Variants in GTF2F2 observed in about 807,000 individuals in gnomAD.
GTF2F2 encodes the protein ATP-dependent helicase GTF2F2.
A neutral mutation model predicts 42.2 loss-of-function variants in GTF2F2; 23 were observed. The observed-to-expected ratio is 0.55, with a 90% CI of 0.39 to 0.77. GTF2F2 has a LOEUF of 0.77. Among genes scored for constraint, GTF2F2 ranks in the 30% least tolerant of loss-of-function variants. The probability of loss-of-function intolerance (pLI) is 0.00; values close to 1 mark genes in which losing one functional copy is unlikely to be tolerated. For synonymous variants in GTF2F2, 105 were observed against 100.8 expected, an observed-to-expected ratio of 1.04 and a Z score of -0.25; for missense variants, 261 against 287.2, an observed-to-expected ratio of 0.91 and a Z score of 0.66.
chr13:45,124,035 C>T (rs976477160), intron 1 of GTF2F2: 4 of 1,128,102 alleles, frequency 3.5e-6, no homozygotes, highest in Admixed American at 3.4e-5. Flanking sequence ...GCCATGTGGG[C>T]CATGAGGTCC....
At position 45,267,227 on chromosome 13, in the gene GTF2F2, A is replaced by C. The variant is rs938099752; in HGVS notation, c.487-6A>C. 1 of 1,609,542 alleles carries C rather than the reference A, an allele frequency of 6.2e-7. No individual in the cohort carries two copies. Among genetic ancestry groups the C allele is most frequent in the Non-Finnish European group, 8.5e-7 (1 of 1,176,856 alleles). ...TGCTTTTATTTCCTTTGCTGTTTGC[A>C]TATAGATCGAATATGAAAGGAAAAA... On this transcript the variant is annotated splice_region_variant and splice_polypyrimidine_tract_variant and intron_variant, in intron 6 of 7. Coordinates refer to ENST00000340473, the MANE Select transcript of GTF2F2 (RefSeq NM_004128.3).
At chr13:45,229,724 G>A (rs1323674389) in intron 5 of GTF2F2, among the ~76,000 whole-genome samples, 1 of 152,204 alleles carries the variant, frequency 6.6e-6, no homozygotes, top group East Asian at 1.9e-4. Context: ...GTGATGTAAG[G>A]ATGTATTTTG....
chr13:45,249,995 C>A (rs1255242262), intron 5 of GTF2F2, among the ~76,000 whole-genome samples: 1 of 151,222 alleles, frequency 6.6e-6, no homozygotes, highest in African/African-American at 2.4e-5. Flanking sequence ...CTCTTAGAAG[C>A]TTTGACATAA....
At chr13:45,265,267 A>T (rs1029639521) in intron 6 of GTF2F2, among the ~76,000 whole-genome samples, 34 of 152,230 alleles carry the variant, frequency 2.2e-4, no homozygotes, top group Non-Finnish European at 4.6e-4. Flanking sequence ...TCAAAAAAAA[A>T]AAAAAATTGA....
chr13:45,154,544 ATTAG>A (rs1339825038), intron 4 of GTF2F2, among the ~76,000 whole-genome samples: 2 of 152,334 alleles, frequency 1.3e-5, no homozygotes, highest in East Asian at 3.9e-4. Context: ...CTAAGTTGCT[ATTAG>A]TTATAATACA....
rs753024896 is a variant in GTF2F2 at position 45,178,845 on chromosome 13, A to C, written c.304+27014A>C. ...AGCTGGGGGCTCTACTGTTCACATG[A>C]TGTTGACTGGAGTTACTCATGCATC... is the stretch of plus-strand genomic sequence containing the variant. On this transcript the variant is annotated intron_variant, in intron 4 of 7. Coordinates refer to ENST00000340473, the MANE Select transcript of GTF2F2 (RefSeq NM_004128.3). 6.4e-4 allele frequency among the ~76,000 whole-genome samples: 97 copies of C among 152,220 alleles called. 1 individual carries two copies. Among genetic ancestry groups the C allele is most frequent in the Non-Finnish European group, 1.3e-3 (86 of 68,016 alleles).
At chr13:45,228,043 AG>A (rs1419418417) in intron 5 of GTF2F2, among the ~76,000 whole-genome samples, 1 of 151,858 alleles carries the variant, frequency 6.6e-6, no homozygotes, top group African/African-American at 2.4e-5. Flanking sequence ...CCCCTCCTGT[AG>A]GTTGTAGCTT....
chr13:45,230,429 AAGGACTTTAGT>A (rs1251882123), intron 5 of GTF2F2, among the ~76,000 whole-genome samples: 1 of 152,152 alleles, frequency 6.6e-6, no homozygotes, highest in Non-Finnish European at 1.5e-5. Flanking sequence ...ACAGGATTAC[AAGGACTTTAGT>A]AGGAGAAATA....
chr13:45,173,918 A>G (rs141777803), intron 4 of GTF2F2, among the ~76,000 whole-genome samples: 144 of 152,206 alleles, frequency 9.5e-4, no homozygotes, highest in African/African-American at 3.3e-3. Flanking sequence ...CGCCCGGCCA[A>G]CTTTGTCACT....
intron 4 of GTF2F2, among the ~76,000 whole-genome samples, chr13:45,187,358 G>A (rs1211989656): frequency 6.6e-6 from 1 of 152,100 alleles, no homozygotes; most frequent in Non-Finnish European, 1.5e-5. Context: ...TAGAATTTGT[G>A]TATTTTATTA....
At chr13:45,161,807 C>T (rs950242149) in intron 4 of GTF2F2, among the ~76,000 whole-genome samples, 4 of 152,184 alleles carry the variant, frequency 2.6e-5, no homozygotes, top group Non-Finnish European at 5.9e-5. Context: ...CATGCCATTG[C>T]ACTCCAGCCT....
At chr13:45,240,419 G>C (rs1003699288) in intron 5 of GTF2F2, among the ~76,000 whole-genome samples, 19 of 152,124 alleles carry the variant, frequency 1.2e-4, no homozygotes, top group African/African-American at 4.3e-4. Flanking sequence ...GGTGTAGCTA[G>C]TGTATGTTTT....
At chr13:45,177,362 G>C (rs933337353) in intron 4 of GTF2F2, among the ~76,000 whole-genome samples, 1 of 152,038 alleles carries the variant, frequency 6.6e-6, no homozygotes, top group Non-Finnish European at 1.5e-5. Flanking sequence ...TCAGTTACCC[G>C]TGGTCCACTG....
intron 4 of GTF2F2, among the ~76,000 whole-genome samples, chr13:45,177,736 A>G (rs1871953380): frequency 6.6e-6 from 1 of 152,206 alleles, no homozygotes; most frequent in African/African-American, 2.4e-5. Context: ...CTTAATAAGG[A>G]AAGGAAAATA....
chr13:45,207,545 C>T (rs894518183), intron 5 of GTF2F2, 40 bp downstream of exon 5: 1 of 1,217,398 alleles, frequency 8.2e-7, no homozygotes, highest in Non-Finnish European at 1.2e-6. Flanking sequence ...CTGATATTTC[C>T]CTTTGGGGAT....
chr13:45,194,612 T>C (rs777996346), intron 4 of GTF2F2: 2 of 1,550,582 alleles, frequency 1.3e-6, no homozygotes, highest in African/African-American at 2.8e-5. Context: ...GCTTTGAGAT[T>C]TTTTAAAAAG....
intron 2 of GTF2F2, among the ~76,000 whole-genome samples, chr13:45,139,178 A>G (rs1048097496): frequency 6.6e-6 from 1 of 152,188 alleles, no homozygotes; most frequent in Non-Finnish European, 1.5e-5. Context: ...AAACTAGTGA[A>G]ATGTAGGATG....
In GTF2F2 at chr13:45,150,664, C is replaced by CTTTTTTTTTTTTTTTTT. The variant is rs368061537; in HGVS notation, c.159+889_159+890insTTTTTTTTTTTTTTTTT. ...ATTTTAGGGAAAAAAAAAAAATCATCTTTTTTTTTTTTTGAGATGGAGTCT... is the reference window on the plus strand; with the variant it reads ...ATTTTAGGGAAAAAAAAAAAATCATCTTTTTTTTTTTTTTTTTTTTTTTTTTTTTTGAGATGGAGTCT... On this transcript the variant is annotated intron_variant, in intron 3 of 7. Transcript: ENST00000340473. Among the ~76,000 whole-genome samples, 38 of 122,454 alleles carry CTTTTTTTTTTTTTTTTT rather than the reference C, an allele frequency of 3.1e-4. 3 individuals carry two copies. The highest frequency in any genetic ancestry group is 1.1e-3 in the African/African-American group (29 of 26,786). The allele number at this position is 122,454 out of a possible 152,430, so 80.3% of individuals were successfully genotyped here.
intron 2 of GTF2F2, among the ~76,000 whole-genome samples, chr13:45,149,261 C>A (rs573177585): frequency 1.3e-5 from 2 of 149,530 alleles, no homozygotes; most frequent in African/African-American, 2.5e-5. Context: ...ATGGTGAGAC[C>A]TTGTCTCTAC....
Sources: allele counts gnomAD v4.1 joint callset (sites outside exome capture counted in the v4.1 genomes callset), GRCh38; gene constraint gnomAD v4.1.1; transcripts MANE v1.5; gene names NCBI Gene and HGNC (gene_info 2026-07-23, HGNC 2026-07-21).